Variants in IQCJ observed in about 807,000 individuals in gnomAD.
The protein encoded by IQCJ is IQ domain-containing protein J.
A neutral mutation model predicts 11.0 loss-of-function variants in IQCJ; 9 were observed. That is an observed-to-expected ratio of 0.82 (90% CI 0.49 to 1.43). IQCJ has a LOEUF of 1.43. Among genes scored for constraint, IQCJ ranks in the 40% most tolerant of loss-of-function variants. IQCJ has a pLI of 0.00. For missense variants in IQCJ, 146 were observed against 133.2 expected (o/e 1.10, Z -0.47); for synonymous variants, 55 against 51.3 (o/e 1.07, Z -0.31).
At chr3:159,069,463 A>G (rs1330832473) in intron 1 of IQCJ, 22 bp downstream of exon 1, 1 of 1,607,608 alleles carries the variant, frequency 6.2e-7, no homozygotes, top group Admixed American at 1.7e-5. Context: ...GCTTTTCTAA[A>G]CGTGCCACTT....
chr3:159,184,118 AG>A (rs1307402024), intron 1 of IQCJ, among the ~76,000 whole-genome samples: 1 of 152,056 alleles, frequency 6.6e-6, no homozygotes, highest in African/African-American at 2.4e-5. Flanking sequence ...GTTCTACAAA[AG>A]TTTGTGTGAT....
At chr3:159,207,931 C>G (rs746891713) in intron 1 of IQCJ, among the ~76,000 whole-genome samples, 1 of 152,110 alleles carries the variant, frequency 6.6e-6, no homozygotes, top group African/African-American at 2.4e-5. Context: ...TGTACACATT[C>G]GAACAAAGCA....
chr3:159,208,518 A>C (rs945182791), intron 1 of IQCJ, among the ~76,000 whole-genome samples: 4 of 152,216 alleles, frequency 2.6e-5, no homozygotes, highest in Admixed American at 6.5e-5. Flanking sequence ...GATATTTTTC[A>C]GCCCCTTTCC....
intron 1 of IQCJ, among the ~76,000 whole-genome samples, chr3:159,083,419 A>G (rs1162738511): frequency 1.3e-5 from 2 of 152,150 alleles, no homozygotes; most frequent in African/African-American, 4.8e-5. Context: ...GGATATCACT[A>G]TGTATCAAAT....
chr3:159,102,629 T>G (rs140924473), intron 1 of IQCJ, among the ~76,000 whole-genome samples: 1 of 152,350 alleles, frequency 6.6e-6, no homozygotes, highest in African/African-American at 2.4e-5. Context: ...CATTACTGTT[T>G]ATTGGCACTA....
intron 1 of IQCJ, among the ~76,000 whole-genome samples, chr3:159,236,268 G>A (rs372181464): frequency 2.3e-3 from 259 of 112,798 alleles, no homozygotes; most frequent in African/African-American, 3.4e-3. Context: ...TGCTCCTTTT[G>A]AAAAAAAAAA....
intron 1 of IQCJ, among the ~76,000 whole-genome samples, chr3:159,234,385 A>C (rs558212140): frequency 6.6e-6 from 1 of 152,364 alleles, no homozygotes; most frequent in Non-Finnish European, 1.5e-5. Context: ...ATTTCAAATG[A>C]ATTTTGAAGA....
At chr3:159,243,288 A>G (rs1310271692) in intron 1 of IQCJ, among the ~76,000 whole-genome samples, 1 of 151,996 alleles carries the variant, frequency 6.6e-6, no homozygotes, top group Non-Finnish European at 1.5e-5. Context: ...CACTTGCACA[A>G]CAGACTTGTT....
chr3:159,243,762 C>T (rs1727076978), intron 1 of IQCJ, among the ~76,000 whole-genome samples: 1 of 151,986 alleles, frequency 6.6e-6, no homozygotes, highest in African/African-American at 2.4e-5. Context: ...AATTATACTC[C>T]AATTAAAAAA....
intron 3 of IQCJ, among the ~76,000 whole-genome samples, chr3:159,255,667 G>T (rs1306613966): frequency 2.0e-5 from 3 of 152,094 alleles, no homozygotes; most frequent in African/African-American, 4.8e-5. Context: ...GTCACAAAGG[G>T]TCCATTACCT....
At chr3:159,220,799 C>G (rs1405841553) in intron 1 of IQCJ, among the ~76,000 whole-genome samples, 1 of 152,152 alleles carries the variant, frequency 6.6e-6, no homozygotes, top group Admixed American at 6.6e-5. Context: ...AGCCTAGCCA[C>G]TAACTATGGG....
chr3:159,086,659 A>AT (rs1202239189), intron 1 of IQCJ, among the ~76,000 whole-genome samples: 1 of 151,416 alleles, frequency 6.6e-6, no homozygotes, highest in African/African-American at 2.4e-5. Context: ...ATTCCTAGGT[A>AT]TTTTATTCTC....
intron 2 of IQCJ, among the ~76,000 whole-genome samples, 186 bp downstream of exon 2, chr3:159,246,093 A>C (rs2621296): frequency 0.72 from 109,187 of 151,450 alleles, 39,910 homozygotes; most frequent in African/African-American, 0.76. Context: ...AGCAATGAAA[A>C]ACAAGCTCTA....
intron 1 of IQCJ, among the ~76,000 whole-genome samples, chr3:159,162,768 A>G (rs1174644620): frequency 6.6e-6 from 1 of 152,214 alleles, no homozygotes; most frequent in African/African-American, 2.4e-5. Flanking sequence ...AGAAATACAA[A>G]CTACCGTCAG....
At chr3:159,082,867 T>C (rs988367732) in intron 1 of IQCJ, among the ~76,000 whole-genome samples, 1 of 152,122 alleles carries the variant, frequency 6.6e-6, no homozygotes, top group Admixed American at 6.6e-5. Flanking sequence ...ATAACCCCTC[T>C]GTGAATAGCA....
At chr3:159,078,940 G>T (rs1399003101) in intron 1 of IQCJ, among the ~76,000 whole-genome samples, 2 of 152,038 alleles carry the variant, frequency 1.3e-5, no homozygotes, top group Non-Finnish European at 2.9e-5. Flanking sequence ...ATAGCAGAGG[G>T]TCAATAAACA....
intron 1 of IQCJ, among the ~76,000 whole-genome samples, chr3:159,114,559 C>T (rs1036192909): frequency 6.6e-6 from 1 of 152,072 alleles, no homozygotes; most frequent in African/African-American, 2.4e-5. Context: ...GATCCACCCC[C>T]CCTCGGCCTC....
intron 1 of IQCJ, among the ~76,000 whole-genome samples, chr3:159,230,075 T>C (rs1560034648): frequency 6.6e-6 from 1 of 151,308 alleles, no homozygotes; most frequent in Non-Finnish European, 1.5e-5. Flanking sequence ...CTGCAGTGTT[T>C]ATTGTACCTA....
At chr3:159,071,483 CT>C in intron 1 of IQCJ, among the ~76,000 whole-genome samples, 1 of 151,842 alleles carries the variant, frequency 6.6e-6, no homozygotes. Context: ...TTACTAGCAC[CT>C]TTTTTCACGT....
Sources: allele counts gnomAD v4.1 joint callset (sites outside exome capture counted in the v4.1 genomes callset), GRCh38; gene constraint gnomAD v4.1.1; transcripts MANE v1.5; gene names NCBI Gene and HGNC (gene_info 2026-07-23, HGNC 2026-07-21).